The following RGS6 variants were observed in gnomAD, a reference collection of about 807,000 sequenced individuals.
RGS6 encodes regulator of G-protein signaling 6.
A neutral mutation model predicts 78.5 loss-of-function variants in RGS6; 30 were observed. The observed-to-expected ratio is 0.38, with a 90% CI of 0.29 to 0.52. The LOEUF (loss-of-function observed/expected upper bound fraction) is 0.52. Among genes scored for constraint, RGS6 ranks in the 20% least tolerant of loss-of-function variants. The probability of loss-of-function intolerance (pLI) is 0.85; values close to 1 mark genes in which losing one functional copy is unlikely to be tolerated. For synonymous variants in RGS6, 206 were observed against 206.0 expected (o/e 1.00, Z 0.00); for missense variants, 495 against 609.7 (o/e 0.81, Z 1.98).
At chr14:72,303,813 A>T (rs1280238925) in intron 2 of RGS6, among the ~76,000 whole-genome samples, 1 of 152,200 alleles carries the variant, frequency 6.6e-6, no homozygotes, top group Non-Finnish European at 1.5e-5. Flanking sequence ...AAAAAGTAGC[A>T]TACTCTCCAC....
At chr14:72,325,617 T>G (rs938625277) in intron 2 of RGS6, among the ~76,000 whole-genome samples, 1 of 152,166 alleles carries the variant, frequency 6.6e-6, no homozygotes, top group African/African-American at 2.4e-5. Flanking sequence ...GAGAATCCTT[T>G]CCCCATTTCT....
chr14:71,925,687 G>A, the RGS6 span, among the ~76,000 whole-genome samples: 1 of 107,956 alleles, frequency 9.3e-6, no homozygotes, highest in Non-Finnish European at 1.9e-5. Flanking sequence ...TTTTCTTGGT[G>A]CCTTTGTCAA....
At chr14:72,041,765 T>G (rs1451870040) in intron 2 of RGS6, among the ~76,000 whole-genome samples, 1 of 152,230 alleles carries the variant, frequency 6.6e-6, no homozygotes, top group Non-Finnish European at 1.5e-5. Flanking sequence ...AAAGGCATTT[T>G]GTACAATATA....
At position 71,995,323 on chromosome 14, in the gene RGS6, G is replaced by T. The variant is rs139912644; in HGVS notation, c.84+30448G>T. ...CTGCATGGCTATAATTGGCCAGATGGATGGGCTGCCCCTGAACATAGAGAA... is the reference window on the plus strand; with the variant it reads ...CTGCATGGCTATAATTGGCCAGATGTATGGGCTGCCCCTGAACATAGAGAA... On this transcript the variant is annotated intron_variant, in intron 2 of 17. Transcript: ENST00000553525. 4.5e-3 allele frequency among the ~76,000 whole-genome samples: 692 copies of T among 152,306 alleles called. 6 individuals are homozygous for T. The highest frequency in any genetic ancestry group is 0.016 in the African/African-American group (657 of 41,568).
At chr14:72,009,537 G>A (rs971760414) in intron 2 of RGS6, among the ~76,000 whole-genome samples, 3 of 152,170 alleles carry the variant, frequency 2.0e-5, no homozygotes, top group African/African-American at 4.8e-5. Context: ...AAAAGGTGCT[G>A]ATTTTGCTTT....
chr14:71,982,020 C>T lies in RGS6; in HGVS notation c.84+17145C>T, dbSNP rs184663287. Among the ~76,000 whole-genome samples, 449 of 151,856 alleles carry T rather than the reference C, an allele frequency of 3.0e-3. 6 individuals carry two copies. Among genetic ancestry groups the T allele is most frequent in the African/African-American group, 0.011 (439 of 41,462 alleles). ...GTTTTTTAAGCCCGTCGGAAAAGCG[C>T]AGTATTCGGGTGGGAGTGACCCGAT... On this transcript the variant is annotated intron_variant, in intron 2 of 17. Coordinates refer to ENST00000553525, the MANE Select transcript of RGS6 (RefSeq NM_001204424.2).
the RGS6 span, among the ~76,000 whole-genome samples, chr14:72,596,742 A>G: frequency 6.6e-6 from 1 of 152,196 alleles, no homozygotes. Context: ...ATAAGCACTC[A>G]TCGTATCTTA....
chr14:72,561,322 C>A (rs61995156), intron 17 of RGS6, among the ~76,000 whole-genome samples: 109 of 152,184 alleles, frequency 7.2e-4, no homozygotes, highest in Admixed American at 1.4e-3. Context: ...CGAGCTATCA[C>A]GTGCTGCCCT....
intron 11 of RGS6, among the ~76,000 whole-genome samples, chr14:72,477,986 G>A (rs958444358): frequency 3.3e-5 from 5 of 152,110 alleles, no homozygotes; most frequent in Non-Finnish European, 7.4e-5. Flanking sequence ...GCTAAGCTAC[G>A]TAGAAAATAC....
At chr14:72,117,783 G>A (rs1403870009) in intron 2 of RGS6, among the ~76,000 whole-genome samples, 1 of 152,164 alleles carries the variant, frequency 6.6e-6, no homozygotes, top group African/African-American at 2.4e-5. Context: ...AAAGGACCAC[G>A]CTGGCTACTA....
chr14:72,605,475 A>G, the RGS6 span, among the ~76,000 whole-genome samples: 17 of 152,260 alleles, frequency 1.1e-4, no homozygotes, highest in Admixed American at 9.2e-4. Context: ...AATTACCTGA[A>G]GTTTAGCCCG....
rs1442276429 is a variant in RGS6 at position 72,547,288 on chromosome 14, C to T, written c.1422+7194C>T. On this transcript the variant is annotated intron_variant, in intron 17 of 17. Coordinates refer to ENST00000553525, the MANE Select transcript of RGS6 (RefSeq NM_001204424.2). ...ATGTCACGGTCAAGGAGAGGAGACC[C>T]AACTCTGCCTGTGGTCCAGACTGGA... 6.8e-5 allele frequency: 104 copies of T among 1,535,622 alleles called. No homozygotes were observed. The East Asian group carries it at 2.5e-3, about 37-fold the overall frequency.
intron 2 of RGS6, among the ~76,000 whole-genome samples, chr14:72,349,379 C>G (rs1267626825): frequency 6.6e-6 from 1 of 152,046 alleles, no homozygotes; most frequent in Non-Finnish European, 1.5e-5. Flanking sequence ...AGGTACATAG[C>G]AAGTCCCTGT....
At chr14:72,496,111 G>T (rs543999269) in intron 13 of RGS6, among the ~76,000 whole-genome samples, 1 of 152,290 alleles carries the variant, frequency 6.6e-6, no homozygotes, top group South Asian at 2.1e-4. Flanking sequence ...AGTCGCAGAT[G>T]CTCATTCTAA....
chr14:72,577,522 T>C, the RGS6 span, among the ~76,000 whole-genome samples: 1 of 152,188 alleles, frequency 6.6e-6, no homozygotes, highest in African/African-American at 2.4e-5. Context: ...TTCCAGTTCT[T>C]ACCATCACAC....
At chr14:72,171,290 ACTT>A (rs1009864793) in intron 2 of RGS6, among the ~76,000 whole-genome samples, 7 of 152,262 alleles carry the variant, frequency 4.6e-5, no homozygotes, top group South Asian at 2.1e-4. Flanking sequence ...AATCCCATCA[ACTT>A]CTTTTTTTCA....
intron 1 of RGS6, among the ~76,000 whole-genome samples, chr14:71,941,463 G>A (rs2090542240): frequency 6.6e-6 from 1 of 152,146 alleles, no homozygotes; most frequent in Admixed American, 6.6e-5. Flanking sequence ...GTTTCTCTTA[G>A]AGGGATATAA....
intron 2 of RGS6, among the ~76,000 whole-genome samples, chr14:72,084,770 T>G (rs796782682): frequency 6.6e-5 from 10 of 152,026 alleles, no homozygotes; most frequent in African/African-American, 2.4e-4. Flanking sequence ...CTTGCACATA[T>G]ATAAAAAACG....
chr14:71,955,558 T>A (rs1169472414), intron 1 of RGS6, among the ~76,000 whole-genome samples: 1 of 152,166 alleles, frequency 6.6e-6, no homozygotes, highest in African/African-American at 2.4e-5. Context: ...GGTGGATTAT[T>A]CTTGACTCCC....
Sources: gnomAD v4.1 joint callset for allele counts (sites outside exome capture counted in the v4.1 genomes callset) on GRCh38, gnomAD v4.1.1 for gene constraint, MANE v1.5 for transcripts, NCBI Gene and HGNC (gene_info 2026-07-23, HGNC 2026-07-21) for gene names.